Variants in DMBT1 observed in about 807,000 individuals in gnomAD.
DMBT1 encodes scavenger receptor cysteine-rich domain-containing protein DMBT1.
In DMBT1, 198 loss-of-function variants were observed where a neutral mutation model predicts 252.9. The observed-to-expected ratio is 0.78, with a 90% CI of 0.70 to 0.88. DMBT1 has a LOEUF of 0.88. DMBT1 is among the 40% of genes least tolerant of loss of function. The pLI is 0.00. For missense variants in DMBT1, 2,432 were observed against 2,404.7 expected, an observed-to-expected ratio of 1.01 and a Z score of -0.24; for synonymous variants, 990 against 942.7, an observed-to-expected ratio of 1.05 and a Z score of -0.92.
In DMBT1 at chr10:122,573,890, A is replaced by G. The variant is rs2097688648; in HGVS notation, c.283+128A>G. 3 of 1,163,578 alleles carry G rather than the reference A, an allele frequency of 2.6e-6. No homozygotes were observed. The African/African-American group carries it at 4.6e-5, about 18-fold the overall frequency. 72.1% of individuals were successfully genotyped at this position (1,163,578 alleles called of 1,614,324 possible). ...CTTAGCTCCCACGAGGGGCCCTTCCACAAAAGGCCTCAGGTCTGAACAGGT... is the reference window on the plus strand; with the variant it reads ...CTTAGCTCCCACGAGGGGCCCTTCCGCAAAAGGCCTCAGGTCTGAACAGGT... On this transcript the variant is annotated intron_variant, in intron 6 of 55. Transcript: ENST00000338354.
chr10:122,566,035 G>T (rs1167599198), intron 2 of DMBT1, 39 bp downstream of exon 2: 1 of 1,610,644 alleles, frequency 6.2e-7, no homozygotes, highest in Non-Finnish European at 8.5e-7. Context: ...TGGTGGGGTT[G>T]GCCAGTTCTC....
chr10:122,631,145 T>C lies in DMBT1; in HGVS notation c.6210T>C (p.Phe2070=). 6.2e-7 allele frequency: 1 copy of C among 1,614,020 alleles called. No homozygotes were observed. The highest frequency in any genetic ancestry group is 8.5e-7 in the Non-Finnish European group (1 of 1,179,904). ...TTTCAGCCCTTGGAAATGCATATTT[T>C]GGCTCTGGCTCTGGCCCCATCACCC... ...RAVSALGNAY[F]GSGSGPITLD... Residue 2070 remains phenylalanine, a synonymous_variant, in exon 49 of 56, where the codon TTT becomes TTC. Transcript: ENST00000338354.
At chr10:122,627,675 C>A (rs557004850) in intron 46 of DMBT1, among the ~76,000 whole-genome samples, 14 of 152,256 alleles carry the variant, frequency 9.2e-5, no homozygotes, top group African/African-American at 2.9e-4. Flanking sequence ...GTATCCTTGT[C>A]TCTGAAAGTT....
chr10:122,589,999 G>C (rs1195750467), intron 17 of DMBT1, among the ~76,000 whole-genome samples: 1 of 148,498 alleles, frequency 6.7e-6, no homozygotes. Context: ...CCACTGAAAG[G>C]TTTAGGTGAG....
chr10:122,571,624 G>T (rs1302859926), intron 4 of DMBT1, among the ~76,000 whole-genome samples: 1 of 152,234 alleles, frequency 6.6e-6, no homozygotes, highest in African/African-American at 2.4e-5. Context: ...GCCAGGATGT[G>T]TGCAGACACC....
chr10:122,630,434 G>C lies in DMBT1; in HGVS notation c.5969G>C (p.Ser1990Thr). ...SYNRMTIHFRSDISFQNTGFL... is the reference protein window; with the variant it reads ...SYNRMTIHFRTDISFQNTGFL... ...AACCGAATGACCATTCACTTTCGAA[G>C]TGACATCAGTTTCCAAAACACTGGC... Residue 1990 changes from serine to threonine, a missense_variant, in exon 48 of 56, where the codon AGT (serine) becomes ACT (threonine). Around this residue, in one of 3 missense-constraint regions of DMBT1, gnomAD observed 1,162 missense variants for 1,169.0 expected, o/e 0.99. Transcript: ENST00000338354. 1 of 1,613,984 alleles carries C rather than the reference G, an allele frequency of 6.2e-7. No individual in the cohort carries two copies. The highest frequency in any genetic ancestry group is 8.5e-7 in the Non-Finnish European group (1 of 1,179,894).
intron 1 of DMBT1, among the ~76,000 whole-genome samples, chr10:122,565,087 T>C (rs2097579265): frequency 6.6e-6 from 1 of 152,246 alleles, no homozygotes; most frequent in African/African-American, 2.4e-5. Flanking sequence ...GGAAGAATTA[T>C]GACTTATTTC....
intron 2 of DMBT1, among the ~76,000 whole-genome samples, chr10:122,567,933 T>G (rs998087999): frequency 6.6e-6 from 1 of 152,172 alleles, no homozygotes; most frequent in African/African-American, 2.4e-5. Flanking sequence ...GAAAACCACC[T>G]GGAGACCAGT....
intron 11 of DMBT1, among the ~76,000 whole-genome samples, 195 bp from the exon 12 acceptor site, chr10:122,581,598 G>A (rs906289818): frequency 1.4e-5 from 2 of 146,954 alleles, no homozygotes; most frequent in Non-Finnish European, 3.0e-5. Context: ...GGAGGGCTCA[G>A]TCTGGTCTCC....
In DMBT1 at chr10:122,640,256, T is replaced by C; in HGVS notation, c.7159T>C (p.Ser2387Pro). Residue 2387 changes from serine (S) to proline (P), a missense_variant, in exon 55 of 56, where the codon TCC becomes CCC. By Grantham distance (74) the Ser-to-Pro change is moderately conservative. This residue lies in a region of DMBT1 where 1,162 missense variants were observed against 1,169.0 expected (regional missense o/e 0.99). Coordinates refer to ENST00000338354, the MANE Select transcript of DMBT1 (RefSeq NM_001377530.1). ...VQYGNFDVNI[S>P]FYTSSSFLYP... ...GTATGGCAATTTTGACGTGAACATT[T>C]CCTTTTATACTTCCTCATCTTTCTT... is the stretch of plus-strand genomic sequence containing the variant. 1 of 1,614,028 alleles carries C rather than the reference T, an allele frequency of 6.2e-7. No individual in the cohort carries two copies. The highest frequency in any genetic ancestry group is 8.5e-7 in the Non-Finnish European group (1 of 1,179,894).
chr10:122,628,638 A>G (rs2098135598), intron 46 of DMBT1, among the ~76,000 whole-genome samples: 1 of 152,192 alleles, frequency 6.6e-6, no homozygotes, highest in Non-Finnish European at 1.5e-5. Context: ...CTCCATCTCA[A>G]AACAAAACAA....
In DMBT1 at chr10:122,579,839, C is replaced by T; in HGVS notation, c.941C>T (p.Pro314Leu). ...CATGAGTCCTACCTGTGGAGCTGCCCCCACAATGGCTGGCTCACCCACAAC... is the reference window on the plus strand; with the variant it reads ...CATGAGTCCTACCTGTGGAGCTGCCTCCACAATGGCTGGCTCACCCACAAC... ...SGHESYLWSC[P>L]HNGWLTHNCG... Residue 314 changes from proline (P) to leucine (L), a missense_variant, in exon 10 of 56, where the codon CCC (proline) becomes CTC (leucine). Pro to Leu is a moderately conservative substitution (Grantham distance 98). Around this residue, in one of 3 missense-constraint regions of DMBT1, gnomAD observed 1,264 missense variants for 1,082.2 expected, o/e 1.17. Transcript: ENST00000338354. 1.2e-6 allele frequency: 2 copies of T among 1,613,636 alleles called. No individual in the cohort carries two copies. The highest frequency in any genetic ancestry group is 1.7e-6 in the Non-Finnish European group (2 of 1,179,650).
At chr10:122,575,294 T>C (rs2005952) in intron 6 of DMBT1, among the ~76,000 whole-genome samples, 97,323 of 152,056 alleles carry the variant, frequency 0.64, 31,628 homozygotes, top group Admixed American at 0.73. Context: ...ATAGGTTACA[T>C]GTAGGCACAT....
At chr10:122,572,382 G>T in intron 5 of DMBT1, 21 bp downstream of exon 5, 1 of 1,611,388 alleles carries the variant, frequency 6.2e-7, no homozygotes, top group Non-Finnish European at 8.5e-7. Flanking sequence ...CTATGGGGGA[G>T]CTCTATGGGC....
chr10:122,618,279 C>G lies in DMBT1; in HGVS notation c.5154C>G (p.Pro1718=). The change falls in exon 41 of 56, where the codon CCC becomes CCG. Residue 1718 remains proline (P), a synonymous_variant. Coordinates refer to ENST00000338354, the MANE Select transcript of DMBT1 (RefSeq NM_001377530.1). The part of the protein sequence containing the change: ...SGHESYLWSC[P]HNGWLSHNCG... ...ACGAGTCTTACCTGTGGAGCTGCCCCCACAATGGCTGGCTCTCCCACAACT... is the reference window on the plus strand; with the variant it reads ...ACGAGTCTTACCTGTGGAGCTGCCCGCACAATGGCTGGCTCTCCCACAACT... 1 of 1,613,812 alleles carries G rather than the reference C, an allele frequency of 6.2e-7. No homozygotes were observed. Among genetic ancestry groups the G allele is most frequent in the Non-Finnish European group, 8.5e-7 (1 of 1,179,782 alleles).
chr10:122,576,335 T>C, intron 6 of DMBT1, 64 bp from the exon 7 acceptor site: 1 of 1,585,486 alleles, frequency 6.3e-7, no homozygotes, highest in Non-Finnish European at 8.6e-7. Context: ...CTGAATGCCC[T>C]GCAGGCCCTG....
intron 1 of DMBT1, 32 bp downstream of exon 1, chr10:122,560,863 T>C: frequency 2.0e-6 from 3 of 1,516,792 alleles, no homozygotes; most frequent in Non-Finnish European, 2.7e-6. Context: ...TTCATTAATT[T>C]CTCTCCTGCA....
At chr10:122,638,720 G>A (rs923730311) in intron 54 of DMBT1, among the ~76,000 whole-genome samples, 21 of 152,152 alleles carry the variant, frequency 1.4e-4, no homozygotes, top group Admixed American at 1.3e-3. Flanking sequence ...CTGGGATTAC[G>A]GGCATGAACC....
chr10:122,634,593 T>C (rs1181716870), intron 52 of DMBT1, among the ~76,000 whole-genome samples: 4 of 151,060 alleles, frequency 2.6e-5, no homozygotes, highest in Non-Finnish European at 4.4e-5. Flanking sequence ...GCCTCCCGGG[T>C]TCAAGCGATT....
Sources: gnomAD v4.1 joint callset for allele counts (sites outside exome capture counted in the v4.1 genomes callset) on GRCh38, gnomAD v4.1.1 for gene constraint, gnomAD v4.1.1 regional missense constraint, MANE v1.5 for transcripts, NCBI Gene and HGNC (gene_info 2026-07-23, HGNC 2026-07-21) for gene names.